AFAP1L2: variants seen among roughly 807,000 people sequenced by gnomAD.
The protein encoded by AFAP1L2 is actin filament-associated protein 1-like 2.
A neutral mutation model predicts 99.3 loss-of-function variants in AFAP1L2; 46 were observed. That is an observed-to-expected ratio of 0.46 (90% CI 0.37 to 0.59). AFAP1L2 has a LOEUF of 0.59. AFAP1L2 is among the 20% of genes least tolerant of loss of function. The pLI is 0.00. For missense variants in AFAP1L2, 959 were observed against 1,034.9 expected, an observed-to-expected ratio of 0.93 and a Z score of 1.01; for synonymous variants, 397 against 419.1, an observed-to-expected ratio of 0.95 and a Z score of 0.64.
rs2041853748 is a variant in AFAP1L2 at position 114,304,855 on chromosome 10, T to A, written c.1148A>T (p.Tyr383Phe). 6.2e-7 allele frequency: 1 copy of A among 1,613,434 alleles called. No homozygotes were observed. The highest frequency in any genetic ancestry group is 8.5e-7 in the Non-Finnish European group (1 of 1,180,018). ...CACCTTGCTCCGGTTCCGGTCCTGGTAGAAGTGCAGGTGATTGTCCCTGAC... is the reference window on the plus strand; with the variant it reads ...CACCTTGCTCCGGTTCCGGTCCTGGAAGAAGTGCAGGTGATTGTCCCTGAC... Reference protein sequence around the residue: ...CSVRDNHLHFYQDRNRSKVAQ... With the variant: ...CSVRDNHLHFFQDRNRSKVAQ... Residue 383 changes from tyrosine to phenylalanine, a missense_variant, in exon 11 of 19, where the codon TAC becomes TTC. Physicochemically the swap from Tyr to Phe is conservative, Grantham distance 22. This residue lies in a region of AFAP1L2 where 576 missense variants were observed against 562.1 expected (regional missense o/e 1.02). Transcript: ENST00000304129.
At chr10:114,353,751 G>A (rs1280310433) in intron 1 of AFAP1L2, among the ~76,000 whole-genome samples, 1 of 152,202 alleles carries the variant, frequency 6.6e-6, no homozygotes, top group Non-Finnish European at 1.5e-5. Flanking sequence ...AGCAACTTGA[G>A]AAGCCTGGGA....
intron 1 of AFAP1L2, among the ~76,000 whole-genome samples, chr10:114,341,385 G>A (rs1161740106): frequency 2.6e-5 from 4 of 151,952 alleles, no homozygotes; most frequent in East Asian, 3.9e-4. Flanking sequence ...AGGCTGAGGC[G>A]GGTGGATCAC....
At chr10:114,397,097 C>T (rs2057791639) in intron 1 of AFAP1L2, among the ~76,000 whole-genome samples, 1 of 148,048 alleles carries the variant, frequency 6.8e-6, no homozygotes, top group Non-Finnish European at 1.5e-5. Flanking sequence ...TAAAAGTCAG[C>T]TTTATTGAGG....
In AFAP1L2 at chr10:114,341,003, G is replaced by A. The variant is rs541892706; in HGVS notation, c.17-272C>T. Among the ~76,000 whole-genome samples, 13 of 152,340 alleles carry A rather than the reference G, an allele frequency of 8.5e-5. No homozygotes were observed. In the South Asian group the frequency reaches 1.2e-3, roughly 15 times the overall value. ...TACCAGGTGCTGGAAGAGTGACAAC[G>A]GCCTCGTCGGCCAACTTTCTATCTC... On this transcript the variant is annotated intron_variant, in intron 1 of 18. Transcript: ENST00000304129.
In AFAP1L2 at chr10:114,295,364, C is replaced by G. The variant is rs1357549980; in HGVS notation, c.*678G>C. On this transcript the variant is annotated 3_prime_UTR_variant, in exon 19 of 19. Transcript: ENST00000304129. ...CATCACTTAAAATTTTATTTAAAGA[C>G]AGTTGATTCAGGCCTGCCTTGGACT... The G allele has an allele frequency of 1.0e-6, 1 of 985,426 alleles. No homozygotes were observed. The highest frequency in any genetic ancestry group is 1.1e-4 in the East Asian group (1 of 8,834). The allele number at this position is 985,426 out of a possible 1,614,324, so 61.0% of individuals were successfully genotyped here.
rs774031594 is a variant in AFAP1L2, at chr10:114,310,424, C to T, written c.812G>A (p.Gly271Asp). The change falls in exon 8 of 19, where the codon GGC becomes GAC. Residue 271 changes from glycine (G) to aspartate (D), a missense_variant. Transcript: ENST00000304129. ...TTCAGATGCTCCTTCGGAAGGCAGG[C>T]CGCTCACTTCCTGGATGACCTGAGG... ...QWLRVIQEVS[G>D]LPSEGASEGN... 6 of 1,613,942 alleles carry T rather than the reference C, an allele frequency of 3.7e-6. No homozygotes were observed. The Admixed American group carries it at 1.0e-4, about 27-fold the overall frequency.
chr10:114,352,353 A>G (rs1246374787), intron 1 of AFAP1L2, among the ~76,000 whole-genome samples: 1 of 152,050 alleles, frequency 6.6e-6, no homozygotes, highest in African/African-American at 2.4e-5. Context: ...GCAAGCCTGT[A>G]GTCCCAGCTA....
rs2040419949 is a variant in AFAP1L2, at chr10:114,297,381, G to A, written c.2146C>T (p.Leu716=). ...KEVLASLEQK[L]KEIDEECRGE... is the part of the protein sequence containing the mutation. Reference sequence around the variant, plus strand: ...CGGCACTCCTCGTCAATTTCCTTCAGCTTCTGCTCCAGGCTCGCCAGGACT... The same window carrying A: ...CGGCACTCCTCGTCAATTTCCTTCAACTTCTGCTCCAGGCTCGCCAGGACT... Residue 716 remains leucine (L), a synonymous_variant, in exon 17 of 19, where the codon CTG becomes TTG. Transcript: ENST00000304129. 3.1e-6 allele frequency: 5 copies of A among 1,613,364 alleles called. No individual in the cohort carries two copies. The highest frequency in any genetic ancestry group is 4.2e-6 in the Non-Finnish European group (5 of 1,179,998).
intron 2 of AFAP1L2, among the ~76,000 whole-genome samples, chr10:114,336,216 T>C (rs2420056): frequency 0.69 from 104,797 of 151,458 alleles, 38,807 homozygotes; most frequent in East Asian, 0.92. Context: ...AAGTAAGAAG[T>C]TCCCAAGACC....
At chr10:114,382,531 T>G (rs2055793051) in intron 1 of AFAP1L2, among the ~76,000 whole-genome samples, 1 of 151,860 alleles carries the variant, frequency 6.6e-6, no homozygotes, top group South Asian at 2.1e-4. Context: ...AAGAAATAAG[T>G]TCTAATGTTT....
downstream of AFAP1L2, among the ~76,000 whole-genome samples, chr10:114,293,236 A>G (rs1326421199): frequency 6.6e-6 from 1 of 152,232 alleles, no homozygotes; most frequent in African/African-American, 2.4e-5. Flanking sequence ...ACAGAAGACA[A>G]CGTCCGGGGC....
chr10:114,362,699 C>T (rs1282306550), intron 1 of AFAP1L2, among the ~76,000 whole-genome samples: 1 of 152,136 alleles, frequency 6.6e-6, no homozygotes, highest in Non-Finnish European at 1.5e-5. Context: ...AAAATTAATA[C>T]ACCCCCATCA....
At chr10:114,382,623 C>T (rs1405095926) in intron 1 of AFAP1L2, among the ~76,000 whole-genome samples, 4 of 89,580 alleles carry the variant, frequency 4.5e-5, no homozygotes, top group East Asian at 3.5e-4. Context: ...GACCGAGTTT[C>T]GCTCTTGTTG....
At chr10:114,319,574 TGGCATAAATGACTCCTTCG>T in intron 5 of AFAP1L2, 1 of 1,289,586 alleles carries the variant, frequency 7.8e-7, no homozygotes, top group Non-Finnish European at 1.0e-6. Flanking sequence ...AAGGTGATCG[TGGCATAAATGACTCCTTCG>T]GGCACCTGCA....
intron 5 of AFAP1L2, 71 bp downstream of exon 5, chr10:114,323,100 G>A: frequency 1.4e-6 from 2 of 1,383,624 alleles, no homozygotes; most frequent in Non-Finnish European, 1.0e-6. Flanking sequence ...GTTACCCCCA[G>A]GTAAGTCTGC....
the AFAP1L2 span, chr10:114,280,874 G>A: frequency 6.6e-6 from 1 of 152,034 alleles, no homozygotes; most frequent in Admixed American, 6.6e-5. Flanking sequence ...AAGTAGTTGG[G>A]ACTACAGACA....
At chr10:114,397,312 CT>C (rs2057817819) in intron 1 of AFAP1L2, among the ~76,000 whole-genome samples, 2 of 152,146 alleles carry the variant, frequency 1.3e-5, no homozygotes, top group South Asian at 4.1e-4. Flanking sequence ...ATAGTTTTGC[CT>C]TTTCCAGAAA....
chr10:114,404,613 C>A, upstream of AFAP1L2: 2 of 1,098,316 alleles, frequency 1.8e-6, no homozygotes, highest in Non-Finnish European at 2.3e-6. Flanking sequence ...TCGGACCTGG[C>A]CCCCGCCAGG....
At chr10:114,346,961 A>G (rs995579830) in intron 1 of AFAP1L2, among the ~76,000 whole-genome samples, 5 of 152,132 alleles carry the variant, frequency 3.3e-5, no homozygotes, top group Non-Finnish European at 7.3e-5. Context: ...CGTCTTCCCA[A>G]CATGCCGAAA....
Sources: allele counts gnomAD v4.1 joint callset (sites outside exome capture counted in the v4.1 genomes callset), GRCh38; gene constraint gnomAD v4.1.1; regional missense constraint gnomAD v4.1.1; transcripts MANE v1.5; gene names NCBI Gene and HGNC (gene_info 2026-07-23, HGNC 2026-07-21).